PTPRD: variants seen among roughly 807,000 people sequenced by gnomAD.
The protein encoded by PTPRD is receptor-type tyrosine-protein phosphatase delta.
Under a neutral mutation model 214.5 loss-of-function variants are expected in PTPRD, and 34 were observed. The ratio of observed to expected loss-of-function variants is 0.16; its 90% CI spans 0.12 to 0.21. PTPRD has a LOEUF of 0.21. Among genes scored for constraint, PTPRD ranks in the 10% least tolerant of loss-of-function variants. The probability of loss-of-function intolerance (pLI) is 1.00; values close to 1 mark genes in which losing one functional copy is unlikely to be tolerated. For synonymous variants in PTPRD, 1,128 were observed against 845.7 expected (o/e 1.33, Z -5.79); for missense variants, 2,545 against 2,398.7 (o/e 1.06, Z -1.27).
At chr9:10,400,498 T>A (rs1273093957) in intron 2 of PTPRD, among the ~76,000 whole-genome samples, 2 of 151,724 alleles carry the variant, frequency 1.3e-5, no homozygotes, top group Non-Finnish European at 3.0e-5. Context: ...GTAATAATGT[T>A]ACTTTAAAAT....
At chr9:9,407,439 A>G (rs1221119209) in intron 8 of PTPRD, among the ~76,000 whole-genome samples, 1 of 151,794 alleles carries the variant, frequency 6.6e-6, no homozygotes, top group Non-Finnish European at 1.5e-5. Context: ...AGTTTGTTGA[A>G]AATATAAACA....
rs75004065 is a variant in PTPRD, at chr9:9,629,962, G to A, written c.-286-55181C>T. Among the ~76,000 whole-genome samples the A allele has an allele frequency of 1.2e-3, 185 of 150,836 alleles. 1 individual carries two copies. The highest frequency in any genetic ancestry group is 2.3e-3 in the Non-Finnish European group (153 of 67,924). ...GTGAAAAACTTCCAGGAAGGAAAAG[G>A]TTAAGACAGCAGCCTCCCTTTTTTT... On this transcript the variant is annotated intron_variant, in intron 7 of 45. Coordinates refer to ENST00000381196, the MANE Select transcript of PTPRD (RefSeq NM_002839.4).
At chr9:10,184,084 A>G (rs1435552205) in intron 3 of PTPRD, among the ~76,000 whole-genome samples, 3 of 152,210 alleles carry the variant, frequency 2.0e-5, no homozygotes, top group Non-Finnish European at 4.4e-5. Flanking sequence ...GGATAGGAAT[A>G]ATTCCAAAAC....
At chr9:8,724,025 G>A (rs1250777993) in intron 12 of PTPRD, among the ~76,000 whole-genome samples, 1 of 152,118 alleles carries the variant, frequency 6.6e-6, no homozygotes. Context: ...AGAGAACAAA[G>A]CTAAATTGTA....
At chr9:8,919,753 G>A (rs1043565342) in intron 11 of PTPRD, among the ~76,000 whole-genome samples, 62 of 151,476 alleles carry the variant, frequency 4.1e-4, no homozygotes, top group Admixed American at 2.1e-3. Flanking sequence ...ATGTATACAT[G>A]CATGCATGCA....
intron 2 of PTPRD, among the ~76,000 whole-genome samples, chr9:10,603,727 T>C (rs2078559993): frequency 6.6e-6 from 1 of 151,858 alleles, no homozygotes; most frequent in African/African-American, 2.4e-5. Flanking sequence ...TATTACCTTC[T>C]ATCTGAAGAT....
At chr9:10,128,190 G>C (rs965362470) in intron 3 of PTPRD, among the ~76,000 whole-genome samples, 2 of 152,050 alleles carry the variant, frequency 1.3e-5, no homozygotes, top group Non-Finnish European at 2.9e-5. Context: ...GGTTCTCTGA[G>C]CTCTGCTATA....
intron 3 of PTPRD, among the ~76,000 whole-genome samples, chr9:10,200,033 G>A (rs1224510851): frequency 6.6e-6 from 1 of 151,790 alleles, no homozygotes; most frequent in Admixed American, 6.6e-5. Context: ...GTTTTTTACT[G>A]TTTTTCTTCT....
intron 9 of PTPRD, among the ~76,000 whole-genome samples, chr9:9,316,139 A>G (rs1305698514): frequency 6.6e-6 from 1 of 151,940 alleles, no homozygotes; most frequent in Non-Finnish European, 1.5e-5. Context: ...CTTTCATCTT[A>G]TACCACTATA....
intron 5 of PTPRD, among the ~76,000 whole-genome samples, chr9:9,927,816 C>G (rs941419469): frequency 6.6e-6 from 1 of 152,044 alleles, no homozygotes; most frequent in South Asian, 2.1e-4. Flanking sequence ...TTTCATTCTT[C>G]TAGCCCTAGC....
At chr9:8,759,115 C>G (rs1403526888) in intron 11 of PTPRD, among the ~76,000 whole-genome samples, 1 of 152,114 alleles carries the variant, frequency 6.6e-6, no homozygotes, top group Non-Finnish European at 1.5e-5. Flanking sequence ...ACTGCAGCCT[C>G]AATCTCCTGA....
At chr9:9,705,049 T>C (rs1019536678) in intron 7 of PTPRD, among the ~76,000 whole-genome samples, 2 of 152,190 alleles carry the variant, frequency 1.3e-5, no homozygotes, top group African/African-American at 4.8e-5. Flanking sequence ...CCCCTCCTTT[T>C]CTTTTCTTTT....
chr9:9,636,411 G>C (rs2095767924), intron 7 of PTPRD, among the ~76,000 whole-genome samples: 1 of 152,118 alleles, frequency 6.6e-6, no homozygotes. Context: ...ATCAAACATA[G>C]GAATTCCTTC....
chr9:8,902,310 G>T (rs1446260965), intron 11 of PTPRD, among the ~76,000 whole-genome samples: 2 of 151,106 alleles, frequency 1.3e-5, no homozygotes, highest in East Asian at 3.9e-4. Context: ...TTATTCAACT[G>T]GAATTGGCAT....
At chr9:9,324,963 T>G (rs962980431) in intron 9 of PTPRD, among the ~76,000 whole-genome samples, 24 of 152,218 alleles carry the variant, frequency 1.6e-4, no homozygotes, top group African/African-American at 5.3e-4. Context: ...TTTCCCCATT[T>G]CTTGTTTTTG....
intron 2 of PTPRD, among the ~76,000 whole-genome samples, chr9:10,488,881 T>C (rs1366887619): frequency 6.6e-6 from 1 of 151,962 alleles, no homozygotes; most frequent in Non-Finnish European, 1.5e-5. Flanking sequence ...ACAGGAGAGG[T>C]CCAGAAATGC....
chr9:10,296,707 C>T (rs993002240), intron 3 of PTPRD, among the ~76,000 whole-genome samples: 72 of 152,164 alleles, frequency 4.7e-4, no homozygotes, highest in African/African-American at 1.6e-3. Context: ...AGGGACACCT[C>T]AGGTATCTGG....
Position 9,914,405 on chromosome 9 carries a change from C to T in PTPRD, c.-368+24102G>A, listed in dbSNP as rs556622044. ...TGGGCCTTGAGCTTCAGGTGTCCACCCCTAGTGGACATGCTGAGTAGCCGT... is the reference window on the plus strand; with the variant it reads ...TGGGCCTTGAGCTTCAGGTGTCCACTCCTAGTGGACATGCTGAGTAGCCGT... On this transcript the variant is annotated intron_variant, in intron 5 of 45. Coordinates refer to ENST00000381196, the MANE Select transcript of PTPRD (RefSeq NM_002839.4). Among the ~76,000 whole-genome samples the T allele has an allele frequency of 2.6e-5, 4 of 152,260 alleles. No individual in the cohort carries two copies. The South Asian group carries it at 8.3e-4, about 32-fold the overall frequency.
intron 9 of PTPRD, among the ~76,000 whole-genome samples, chr9:9,386,515 T>G (rs2063923617): frequency 6.6e-6 from 1 of 152,186 alleles, no homozygotes; most frequent in Non-Finnish European, 1.5e-5. Flanking sequence ...TGGTAATGAT[T>G]AAGTCTTCCA....
Sources: gnomAD v4.1 joint callset for allele counts (sites outside exome capture counted in the v4.1 genomes callset) on GRCh38, gnomAD v4.1.1 for gene constraint, MANE v1.5 for transcripts, NCBI Gene and HGNC (gene_info 2026-07-23, HGNC 2026-07-21) for gene names.